Variants in ADAMTS17 observed in about 807,000 individuals in gnomAD.
ADAMTS17 encodes the protein ADAM metallopeptidase with thrombospondin type 1 motif 17, also known as A disintegrin and metalloproteinase with thrombospondin motifs 17.
ADAMTS17 carries 113 observed loss-of-function variants against 141.5 expected under a neutral mutation model. The observed-to-expected ratio is 0.80, with a 90% confidence interval of 0.69 to 0.93. The LOEUF (loss-of-function observed/expected upper bound fraction) is 0.93, where lower values mean the gene tolerates loss of function less well. ADAMTS17 is among the 40% of genes least tolerant of loss of function. The pLI is 0.00. For synonymous variants in ADAMTS17, 768 were observed against 630.6 expected (o/e 1.22, Z -3.27); for missense variants, 1,659 against 1,517.9 (o/e 1.09, Z -1.54).
At chr15:100,233,502 C>G (rs544819534) in intron 7 of ADAMTS17, among the ~76,000 whole-genome samples, 1 of 152,072 alleles carries the variant, frequency 6.6e-6, no homozygotes, top group South Asian at 2.1e-4. Flanking sequence ...TTTATTAGCT[C>G]GAAAAATATG....
chr15:99,997,539 A>T lies in ADAMTS17; in HGVS notation c.2642T>A (p.Phe881Tyr). The T allele has an allele frequency of 1.9e-6, 3 of 1,613,596 alleles. No homozygotes were observed. The highest frequency in any genetic ancestry group is 2.5e-6 in the Non-Finnish European group (3 of 1,180,012). ...CACGCAGGTCACCTCCCGGTGCTGG[A>T]AGCCTTTCTCACAGGTCGCCGAGCA... is the stretch of plus-strand genomic sequence containing the variant. ...SPCSATCEKGFQHREVTCVYQ... is the reference protein window; with the variant it reads ...SPCSATCEKGYQHREVTCVYQ... Residue 881 changes from phenylalanine (F) to tyrosine (Y), a missense_variant, in exon 19 of 22, where the codon TTC becomes TAC. Coordinates refer to ENST00000268070, the MANE Select transcript of ADAMTS17 (RefSeq NM_139057.4). This position sits in a 1 kb window ranked among gnomAD's most constrained non-coding sequence, Gnocchi z 4.7.
chr15:100,186,555 G>T (rs186322861), intron 8 of ADAMTS17, among the ~76,000 whole-genome samples: 23 of 152,330 alleles, frequency 1.5e-4, no homozygotes, highest in Non-Finnish European at 2.6e-4. Flanking sequence ...GCCAGGTCAT[G>T]ACTACAGCAG....
Position 100,293,008 on chromosome 15 carries a change from C to A in ADAMTS17, c.617-11607G>T, listed in dbSNP as rs139130626. On this transcript the variant is annotated intron_variant, in intron 3 of 21. Transcript: ENST00000268070. ...TGTCGACATCATTTTATGGCAAATG[C>A]GATCATGAATTTTGTTTAATTATAT... Among the ~76,000 whole-genome samples, 806 of 152,286 alleles carry A rather than the reference C, an allele frequency of 5.3e-3. 2 individuals carry two copies. Among genetic ancestry groups the A allele is most frequent in the Non-Finnish European group, 8.5e-3 (578 of 68,028 alleles).
chr15:100,297,577 C>T (rs1375789296), intron 3 of ADAMTS17, among the ~76,000 whole-genome samples: 1 of 152,120 alleles, frequency 6.6e-6, no homozygotes, highest in Non-Finnish European at 1.5e-5. Flanking sequence ...TCCTCACTGA[C>T]CTGGATGAAT....
chr15:100,324,734 C>G (rs761099843), intron 3 of ADAMTS17, among the ~76,000 whole-genome samples: 2 of 152,162 alleles, frequency 1.3e-5, no homozygotes, highest in Non-Finnish European at 2.9e-5. Flanking sequence ...TGACTTAATA[C>G]AGAAAAAGGG....
intron 10 of ADAMTS17, among the ~76,000 whole-genome samples, chr15:100,136,793 G>C (rs1313350189): frequency 1.3e-5 from 2 of 152,180 alleles, no homozygotes; most frequent in African/African-American, 4.8e-5. Context: ...GCAAAGCAAA[G>C]CCCCAAGAAA....
At chr15:99,978,386 T>C (rs2060411879) in intron 20 of ADAMTS17, 1 of 152,034 alleles carries the variant, frequency 6.6e-6, no homozygotes. Context: ...ACAAAGGAGG[T>C]GTGAAAACTA....
chr15:100,078,030 A>T (rs2034496754), intron 15 of ADAMTS17, among the ~76,000 whole-genome samples: 1 of 152,202 alleles, frequency 6.6e-6, no homozygotes, highest in African/African-American at 2.4e-5. Flanking sequence ...ACTTAGGAAT[A>T]CATTAAAAAA....
At chr15:100,082,020 G>C (rs988207344) in intron 15 of ADAMTS17, among the ~76,000 whole-genome samples, 1 of 152,146 alleles carries the variant, frequency 6.6e-6, no homozygotes, top group Admixed American at 6.6e-5. Context: ...TGCAAAAATT[G>C]TCAGTCTATC....
intron 10 of ADAMTS17, among the ~76,000 whole-genome samples, chr15:100,137,569 T>G (rs774389596): frequency 1.3e-5 from 2 of 152,156 alleles, no homozygotes; most frequent in African/African-American, 2.4e-5. Flanking sequence ...TTTCAGCGAA[T>G]AGCAGACTTT....
Position 99,997,920 on chromosome 15 carries a change from A to G in ADAMTS17, c.2592-331T>C, listed in dbSNP as rs1470694558. On this transcript the variant is annotated intron_variant, in intron 18 of 21. Coordinates refer to ENST00000268070, the MANE Select transcript of ADAMTS17 (RefSeq NM_139057.4). The surrounding 1 kb of genome is among the most constrained non-coding windows in gnomAD (Gnocchi z 4.7). ...GACCTGCTTCTTTCGACAGGGTGTGAGTGAAGAGGATGCTGGCGGCGTCCC... is the reference window on the plus strand; with the variant it reads ...GACCTGCTTCTTTCGACAGGGTGTGGGTGAAGAGGATGCTGGCGGCGTCCC... Among the ~76,000 whole-genome samples the G allele has an allele frequency of 6.6e-6, 1 of 152,074 alleles. No individual in the cohort carries two copies. The highest frequency in any genetic ancestry group is 1.5e-5 in the Non-Finnish European group (1 of 68,004).
rs1215411149 is a variant in ADAMTS17, at chr15:100,157,888, C to CTT, written c.1182-2570_1182-2569dup. Among the ~76,000 whole-genome samples the CTT allele has an allele frequency of 3.5e-3, 488 of 141,440 alleles. 5 individuals carry two copies. The highest frequency in any genetic ancestry group is 0.011 in the African/African-American group (428 of 38,534). The allele number at this position is 141,440 out of a possible 152,430, so 92.8% of individuals were successfully genotyped here. Reference sequence around the variant, plus strand: ...CCAGTGAGAACAGTTTAGCTATATTCTTTTTTTTTTTTTTTCCTGAGATGG... The same window carrying CTT: ...CCAGTGAGAACAGTTTAGCTATATTCTTTTTTTTTTTTTTTTTCCTGAGATGG... On this transcript the variant is annotated intron_variant, in intron 8 of 21. Coordinates refer to ENST00000268070, the MANE Select transcript of ADAMTS17 (RefSeq NM_139057.4).
chr15:100,027,855 A>T (rs981599373), intron 18 of ADAMTS17, among the ~76,000 whole-genome samples: 3 of 152,216 alleles, frequency 2.0e-5, no homozygotes, highest in African/African-American at 7.2e-5. Context: ...GAGAACTGGG[A>T]GTCTGAGTCT....
At chr15:100,284,624 C>G (rs996929691) in intron 3 of ADAMTS17, among the ~76,000 whole-genome samples, 1 of 152,128 alleles carries the variant, frequency 6.6e-6, no homozygotes, top group African/African-American at 2.4e-5. Flanking sequence ...CCTTAGCCTT[C>G]TCCTCCCTCC....
intron 15 of ADAMTS17, among the ~76,000 whole-genome samples, chr15:100,090,100 T>G (rs1210039363): frequency 6.6e-6 from 1 of 152,174 alleles, no homozygotes; most frequent in African/African-American, 2.4e-5. Context: ...AAAACCAGCT[T>G]TTAGGATTGT....
rs561727079 is a variant in ADAMTS17 at position 100,108,963 on chromosome 15, C to A, written c.2016+26G>T. 4.2e-5 allele frequency: 68 copies of A among 1,612,954 alleles called. No individual in the cohort carries two copies. In the South Asian group the frequency reaches 7.0e-4, roughly 17 times the overall value. On this transcript the variant is annotated intron_variant, in intron 14 of 21. Transcript: ENST00000268070. ...GTGAGTCTCCTCTCCAAAGCCCCAC[C>A]AAGGACCGAAGGAGAAGTACGTCAC...
chr15:100,182,393 G>T (rs752593270), intron 8 of ADAMTS17, among the ~76,000 whole-genome samples: 1 of 152,174 alleles, frequency 6.6e-6, no homozygotes, highest in Non-Finnish European at 1.5e-5. Flanking sequence ...AATTTGAAAT[G>T]AGATTTGGGT....
chr15:100,258,953 A>G (rs915108792), intron 6 of ADAMTS17, among the ~76,000 whole-genome samples: 2 of 126,746 alleles, frequency 1.6e-5, no homozygotes, highest in Non-Finnish European at 1.9e-5. Flanking sequence ...TTGCCTCTGG[A>G]AAAAAAATGC....
chr15:100,298,972 T>A (rs2044925305), intron 3 of ADAMTS17, among the ~76,000 whole-genome samples: 1 of 152,198 alleles, frequency 6.6e-6, no homozygotes, highest in Non-Finnish European at 1.5e-5. Context: ...CTCTCTCCTT[T>A]GCTTGTAGGT....
Sources: gnomAD v4.1 joint callset for allele counts (sites outside exome capture counted in the v4.1 genomes callset) on GRCh38, gnomAD v4.1.1 for gene constraint, Gnocchi (gnomAD v3.1) non-coding constraint, MANE v1.5 for transcripts, NCBI Gene and HGNC (gene_info 2026-07-23, HGNC 2026-07-21) for gene names.